The following AK3 variants were observed in gnomAD, a reference collection of about 807,000 sequenced individuals.
AK3 encodes GTP:AMP phosphotransferase AK3, mitochondrial.
A neutral mutation model predicts 23.7 loss-of-function variants in AK3; 27 were observed. The observed-to-expected ratio is 1.14, with a 90% CI of 0.84 to 1.57. The LOEUF is 1.57. Among genes scored for constraint, AK3 ranks in the 40% most tolerant of loss-of-function variants. AK3 has a pLI of 0.00. For synonymous variants in AK3, 159 were observed against 116.0 expected (o/e 1.37, Z -2.38); for missense variants, 406 against 285.6 (o/e 1.42, Z -3.04).
chr9:4,730,749 T>C (rs976044344), intron 1 of AK3, among the ~76,000 whole-genome samples: 4 of 152,210 alleles, frequency 2.6e-5, no homozygotes, highest in African/African-American at 9.6e-5. Context: ...AAGACAGACA[T>C]TGAGATTAGA....
intron 4 of AK3, among the ~76,000 whole-genome samples, chr9:4,714,657 G>A (rs1414830162): frequency 6.6e-6 from 1 of 152,132 alleles, no homozygotes; most frequent in East Asian, 1.9e-4. Context: ...AATCGTGGGT[G>A]AACATTTGTC....
chr9:4,713,093 T>C lies in AK3; in HGVS notation c.567A>G (p.Lys189=), dbSNP rs1386844440. The change falls in exon 5 of 5, where the codon AAA becomes AAG. Residue 189 remains lysine, a synonymous_variant. Transcript: ENST00000381809. ...CGGAGAATGTTTCCAGCACCCCTTT[T>C]TTCCTAAAGATGAAACAAAAACAAA... is the stretch of plus-strand genomic sequence containing the variant. ...QTKPVLEYYQ[K]KGVLETFSGT... is the part of the protein sequence containing the mutation. 1 of 1,613,466 alleles carries C rather than the reference T, an allele frequency of 6.2e-7. No homozygotes were observed. Among genetic ancestry groups the C allele is most frequent in the South Asian group, 1.1e-5 (1 of 91,022 alleles).
At chr9:4,723,595 C>T (rs1226859067) in intron 1 of AK3, among the ~76,000 whole-genome samples, 4 of 152,160 alleles carry the variant, frequency 2.6e-5, no homozygotes, top group Admixed American at 6.5e-5. Flanking sequence ...ACCTTCAGAA[C>T]CGTAATTCCA....
intron 4 of AK3, among the ~76,000 whole-genome samples, chr9:4,713,301 T>C (rs1246918806): frequency 8.5e-5 from 13 of 152,202 alleles, no homozygotes. Context: ...CTTACAAAAA[T>C]GGGTGCTTAA....
At chr9:4,740,627 G>C (rs541022103) in intron 1 of AK3, among the ~76,000 whole-genome samples, 4 of 152,214 alleles carry the variant, frequency 2.6e-5, no homozygotes, top group Non-Finnish European at 5.9e-5. Context: ...ACCCCCAAGA[G>C]TGGCTGCCAC....
rs796782712 is a variant in AK3 at position 4,735,483 on chromosome 9, T to A, written c.151+5454A>T. On this transcript the variant is annotated intron_variant, in intron 1 of 4. Transcript: ENST00000381809. ...GTATATGTGTATATATATATATTTT[T>A]TTTTTTTTTTTGGAAACAGAGTCTC... Among the ~76,000 whole-genome samples the A allele has an allele frequency of 4.1e-3, 394 of 95,862 alleles. 40 individuals are homozygous for A. Among genetic ancestry groups the A allele is most frequent in the African/African-American group, 0.014 (353 of 24,730 alleles). The allele number at this position is 95,862 out of a possible 152,430, so 62.9% of individuals were successfully genotyped here.
In AK3 at chr9:4,729,015, A is replaced by ATATATATATATATTT. The variant is rs71326127; in HGVS notation, c.152-6391_152-6390insAAATATATATATATA. 5.5e-4 allele frequency among the ~76,000 whole-genome samples: 71 copies of ATATATATATATATTT among 129,422 alleles called. 1 individual carries two copies. Among genetic ancestry groups the ATATATATATATATTT allele is most frequent in the Middle Eastern group, 7.9e-3 (2 of 252 alleles). 84.9% of individuals were successfully genotyped at this position (129,422 alleles called of 152,430 possible). A position where few individuals can be genotyped will look rare whatever the true frequency, so the allele number is the denominator to read the frequency against. ...CACACACACATATATATATATATAT[A>ATATATATATATATTT]TTTTTTTTTTTTGAGACGGAATTTT... On this transcript the variant is annotated intron_variant, in intron 1 of 4. Coordinates refer to ENST00000381809, the MANE Select transcript of AK3 (RefSeq NM_016282.4).
chr9:4,732,870 CTTTTT>C (rs145499793), intron 1 of AK3, among the ~76,000 whole-genome samples: 1 of 142,382 alleles, frequency 7.0e-6, no homozygotes, highest in East Asian at 2.0e-4. Context: ...CTCTCTCTCT[CTTTTT>C]TTTTTTTTTT....
chr9:4,725,021 C>CTTT (rs71497550), intron 1 of AK3, among the ~76,000 whole-genome samples: 1 of 67,514 alleles, frequency 1.5e-5, no homozygotes, highest in African/African-American at 3.6e-5. Context: ...CTACTAAACT[C>CTTT]TTTTTTTTTT....
chr9:4,713,106 A>C lies in AK3; in HGVS notation c.564-10T>G. 6.2e-7 allele frequency: 1 copy of C among 1,612,882 alleles called. No homozygotes were observed. The highest frequency in any genetic ancestry group is 8.5e-7 in the Non-Finnish European group (1 of 1,179,356). The stretch of plus-strand genomic sequence containing the variant: ...CAGCACCCCTTTTTTCCTAAAGATG[A>C]AACAAAAACAAAACAAACACACACA... On this transcript the variant is annotated splice_polypyrimidine_tract_variant and intron_variant, in intron 4 of 4. Transcript: ENST00000381809.
chr9:4,739,142 A>G (rs532742543), intron 1 of AK3, among the ~76,000 whole-genome samples: 1 of 152,026 alleles, frequency 6.6e-6, no homozygotes, highest in African/African-American at 2.4e-5. Flanking sequence ...ATGTTACCTA[A>G]CTACTTCAGT....
At chr9:4,716,246 C>G (rs1841722622) in intron 4 of AK3, among the ~76,000 whole-genome samples, 1 of 151,978 alleles carries the variant, frequency 6.6e-6, no homozygotes, top group Admixed American at 6.5e-5. Context: ...TACTGTTTAC[C>G]CAGCTCCCCA....
intron 4 of AK3, among the ~76,000 whole-genome samples, chr9:4,713,993 T>C (rs375178517): frequency 4.2e-4 from 8 of 18,962 alleles, no homozygotes; most frequent in South Asian, 1.6e-3. Context: ...CCTACACATA[T>C]ACGCCTACAC....
intron 1 of AK3, among the ~76,000 whole-genome samples, chr9:4,736,310 A>G (rs1320652773): frequency 6.6e-6 from 1 of 152,120 alleles, no homozygotes; most frequent in East Asian, 1.9e-4. Flanking sequence ...AAAACAGTAT[A>G]TACAGCATGC....
chr9:4,722,405 A>C, intron 2 of AK3, 101 bp downstream of exon 2: 1 of 1,551,322 alleles, frequency 6.4e-7, no homozygotes, highest in Non-Finnish European at 8.7e-7. Flanking sequence ...CCTCTCCCCA[A>C]ACCACCATCC....
rs777711779 is a variant in AK3, at chr9:4,713,036, T to C, written c.624A>G (p.Val208=). ...GAACTTTAGTTTGTAGGAAAGCATATACATAGGGCCAAATCTTGTTGGTTT... is the reference window on the plus strand; with the variant it reads ...GAACTTTAGTTTGTAGGAAAGCATACACATAGGGCCAAATCTTGTTGGTTT... ...GTETNKIWPY[V]YAFLQTKVPQ... Residue 208 remains valine (V), a synonymous_variant, in exon 5 of 5, where the codon GTA becomes GTG. Coordinates refer to ENST00000381809, the MANE Select transcript of AK3 (RefSeq NM_016282.4). The C allele has an allele frequency of 1.4e-5, 22 of 1,613,850 alleles. 1 individual carries two copies. The Admixed American group carries it at 1.5e-4, about 11-fold the overall frequency.
intron 1 of AK3, among the ~76,000 whole-genome samples, chr9:4,726,264 G>A (rs1235310592): frequency 1.3e-5 from 2 of 152,094 alleles, no homozygotes; most frequent in Non-Finnish European, 2.9e-5. Flanking sequence ...CAACAGTAAA[G>A]TCTGTCTCAT....
intron 1 of AK3, among the ~76,000 whole-genome samples, chr9:4,725,315 C>G (rs1476908186): frequency 6.6e-6 from 1 of 151,752 alleles, no homozygotes; most frequent in African/African-American, 2.4e-5. Context: ...CTGCGTCCAG[C>G]CTAAAAACTC....
intron 2 of AK3, among the ~76,000 whole-genome samples, chr9:4,721,594 G>T (rs1841897075): frequency 6.6e-6 from 1 of 151,882 alleles, no homozygotes; most frequent in Non-Finnish European, 1.5e-5. Context: ...GAGTAGCTAG[G>T]GTTACAGGTG....
Sources: gnomAD v4.1 joint callset for allele counts (sites outside exome capture counted in the v4.1 genomes callset) on GRCh38, gnomAD v4.1.1 for gene constraint, MANE v1.5 for transcripts, NCBI Gene and HGNC (gene_info 2026-07-23, HGNC 2026-07-21) for gene names.